The following ESR2 variants were observed in gnomAD, a reference collection of about 807,000 sequenced individuals.
ESR2 encodes estrogen receptor beta.
ESR2 carries 36 observed loss-of-function variants against 49.6 expected under a neutral mutation model. The observed-to-expected ratio is 0.73, with a 90% CI of 0.56 to 0.96. The LOEUF (loss-of-function observed/expected upper bound fraction) is 0.96, where lower values mean the gene tolerates loss of function less well. Among genes scored for constraint, ESR2 ranks in the 40% least tolerant of loss-of-function variants. The pLI is 0.00. For synonymous variants in ESR2, 320 were observed against 266.1 expected (o/e 1.20, Z -1.97); for missense variants, 714 against 693.0 (o/e 1.03, Z -0.34).
chr14:64,272,379 C>A (rs1233564246), intron 3 of ESR2, among the ~76,000 whole-genome samples: 1 of 152,176 alleles, frequency 6.6e-6, no homozygotes, highest in Non-Finnish European at 1.5e-5. Context: ...CTTTGCCATG[C>A]AAGCAGTTTT....
intron 7 of ESR2, among the ~76,000 whole-genome samples, chr14:64,245,908 T>C (rs1256056): frequency 0.65 from 99,318 of 152,174 alleles, 34,034 homozygotes; most frequent in African/African-American, 0.88. Flanking sequence ...TTTGATGATC[T>C]TCCATTGCCA....
At position 64,249,588 on chromosome 14, in the gene ESR2, T is replaced by C; in HGVS notation, c.1183A>G (p.Lys395Glu). 1 of 1,614,078 alleles carries C rather than the reference T, an allele frequency of 6.2e-7. No individual in the cohort carries two copies. Among genetic ancestry groups the C allele is most frequent in the East Asian group, 2.2e-5 (1 of 44,864 alleles). ...SRFRELKLQH[K>E]EYLCVKAMIL... The stretch of plus-strand genomic sequence containing the variant: ...ATGGCCTTGACACAGAGATATTCTT[T>C]GTGTTGGAGTTTTAACTCTCGAAAC... The change falls in exon 7 of 9, where the codon AAA becomes GAA. Residue 395 changes from lysine (K) to glutamate (E), a missense_variant. Lys to Glu is a moderately conservative substitution (Grantham distance 56). Transcript: ENST00000341099.
rs2077100838 is a variant in ESR2 at position 64,306,492 on chromosome 14, T to C, written c.-90-23417A>G. On this transcript the variant is annotated intron_variant, in intron 1 of 8. Transcript: ENST00000358599. ...CCCTATACCTAGTTTGCTGAGTTTTTATTAGGAACGGATGTTAGATTTTGT... is the reference window on the plus strand; with the variant it reads ...CCCTATACCTAGTTTGCTGAGTTTTCATTAGGAACGGATGTTAGATTTTGT... Among the ~76,000 whole-genome samples the C allele has an allele frequency of 2.0e-5, 3 of 152,350 alleles. No homozygotes were observed. In the South Asian group the frequency reaches 6.2e-4, roughly 32 times the overall value.
chr14:64,337,911 T>C (rs557473784), exon 1 of ESR2: 53 of 152,436 alleles, frequency 3.5e-4, no homozygotes, highest in African/African-American at 1.3e-3. Context: ...CAGAACCATA[T>C]TGGGATGACT....
chr14:64,248,128 G>GA (rs777442780), intron 7 of ESR2, among the ~76,000 whole-genome samples: 1 of 151,934 alleles, frequency 6.6e-6, no homozygotes, highest in Non-Finnish European at 1.5e-5. Flanking sequence ...CAGGAGGTCG[G>GA]AACTGCAGTA....
chr14:64,284,850 CT>C (rs780694583), intron 1 of ESR2, among the ~76,000 whole-genome samples: 406 of 139,582 alleles, frequency 2.9e-3, no homozygotes, highest in African/African-American at 5.0e-3. Context: ...TATCGCATTA[CT>C]TTTTTTTTTT....
In ESR2 at chr14:64,228,548, A is replaced by C. The variant is rs1367728752; in HGVS notation, c.*4589T>G. On this transcript the variant is annotated 3_prime_UTR_variant, in exon 9 of 9. Coordinates refer to ENST00000341099, the MANE Select transcript of ESR2 (RefSeq NM_001437.3). ...TAATGATACAAAGCATTCGTCTGAG[A>C]AAATGGCAAATTATAGCCAACCAAC... Among the ~76,000 whole-genome samples the C allele has an allele frequency of 6.6e-6, 1 of 152,230 alleles. No homozygotes were observed. The highest frequency in any genetic ancestry group is 2.1e-4 in the South Asian group (1 of 4,832).
At chr14:64,259,640 G>C (rs1567752184) in intron 5 of ESR2, among the ~76,000 whole-genome samples, 2 of 152,186 alleles carry the variant, frequency 1.3e-5, no homozygotes, top group African/African-American at 4.8e-5. Context: ...TTGGAGGATG[G>C]AAAACGCAGG....
Position 64,232,953 on chromosome 14 carries a change from CTA to C in ESR2, c.*182_*183del, listed in dbSNP as rs2098728673. ...ATGTGCCCTCTGCTAACAAGGGAAA[CTA>C]TGGCTTCCTCACACCGACTCCTGAG... On this transcript the variant is annotated 3_prime_UTR_variant, in exon 9 of 9. Coordinates refer to ENST00000341099, the MANE Select transcript of ESR2 (RefSeq NM_001437.3). The C allele has an allele frequency of 1.4e-5, 18 of 1,303,868 alleles. No homozygotes were observed. The South Asian group carries it at 1.6e-4, about 12-fold the overall frequency. 80.8% of individuals were successfully genotyped at this position (1,303,868 alleles called of 1,614,324 possible).
At chr14:64,309,632 G>A (rs893572118) in intron 1 of ESR2, among the ~76,000 whole-genome samples, 3 of 129,032 alleles carry the variant, frequency 2.3e-5, no homozygotes, top group African/African-American at 9.8e-5. Context: ...AGAATCTTGC[G>A]TCAAGTGAAC....
chr14:64,274,898 T>C lies in ESR2; in HGVS notation c.535+5083A>G, dbSNP rs1037995591. On this transcript the variant is annotated intron_variant, in intron 3 of 8. Coordinates refer to ENST00000341099, the MANE Select transcript of ESR2 (RefSeq NM_001437.3). ...GGAGTATATGGTTTAATTTCCATGT[T>C]TGTATAGTTTCCAAAATTCTTTATT... Among the ~76,000 whole-genome samples, 11 of 152,320 alleles carry C rather than the reference T, an allele frequency of 7.2e-5. No homozygotes were observed. In the East Asian group the frequency reaches 2.1e-3, roughly 29 times the overall value.
At position 64,230,522 on chromosome 14, in the gene ESR2, C is replaced by T. The variant is rs1250762272; in HGVS notation, c.*2615G>A. Among the ~76,000 whole-genome samples, 1 of 152,060 alleles carries T rather than the reference C, an allele frequency of 6.6e-6. No individual in the cohort carries two copies. ...AAGACTCGCACTGTACAGCTCCTGCCGATTTTGCACTATTTTTAATGCAGT... is the reference window on the plus strand; with the variant it reads ...AAGACTCGCACTGTACAGCTCCTGCTGATTTTGCACTATTTTTAATGCAGT... On this transcript the variant is annotated 3_prime_UTR_variant, in exon 9 of 9. Coordinates refer to ENST00000341099, the MANE Select transcript of ESR2 (RefSeq NM_001437.3).
intron 1 of ESR2, among the ~76,000 whole-genome samples, chr14:64,315,243 CAAAAAAAAAAA>C (rs201805001): frequency 1.5e-4 from 7 of 46,800 alleles, no homozygotes; most frequent in African/African-American, 6.4e-4. Flanking sequence ...GAGTCTGTCT[CAAAAAAAAAAA>C]AAAAAAAAAA....
intron 3 of ESR2, among the ~76,000 whole-genome samples, chr14:64,276,352 A>G (rs1328069347): frequency 2.6e-5 from 4 of 152,258 alleles, no homozygotes; most frequent in African/African-American, 9.6e-5. Flanking sequence ...CAAATGGCAG[A>G]TAGATTTATG....
At chr14:64,309,506 G>T (rs1203986726) in intron 1 of ESR2, among the ~76,000 whole-genome samples, 4 of 151,412 alleles carry the variant, frequency 2.6e-5, no homozygotes, top group Non-Finnish European at 4.4e-5. Context: ...AGCTACTCTG[G>T]AGGCTGAGGC....
intron 1 of ESR2, among the ~76,000 whole-genome samples, chr14:64,309,744 T>C (rs1194778437): frequency 6.6e-6 from 1 of 151,346 alleles, no homozygotes; most frequent in Non-Finnish European, 1.5e-5. Flanking sequence ...CCGAGGTGGG[T>C]GGATGGCTTG....
chr14:64,290,659 T>G lies in ESR2; in HGVS notation c.-91+3374A>C, dbSNP rs561885145. Among the ~76,000 whole-genome samples the G allele has an allele frequency of 7.2e-5, 11 of 152,264 alleles. No homozygotes were observed. The South Asian group carries it at 2.3e-3, about 32-fold the overall frequency. On this transcript the variant is annotated intron_variant, in intron 1 of 8. Transcript: ENST00000341099. Reference sequence around the variant, plus strand: ...CTCAAGTGATCCAGCCACCTAGGCCTCCCAAAGTGCTGAGATTACAGGCGT... The same window carrying G: ...CTCAAGTGATCCAGCCACCTAGGCCGCCCAAAGTGCTGAGATTACAGGCGT...
chr14:64,260,500 A>G lies in ESR2; in HGVS notation c.901T>C (p.Leu301=), dbSNP rs747372616. ...ATGTGTACCAACTCCTTGTCGGCCA[A>G]CTTGGTCAGGGACATCATCATGGAG... ...EASMMMSLTK[L]ADKELVHMIS... Residue 301 remains leucine (L), a synonymous_variant, in exon 5 of 9, where the codon TTG becomes CTG. Coordinates refer to ENST00000341099, the MANE Select transcript of ESR2 (RefSeq NM_001437.3). 18 of 1,536,090 alleles carry G rather than the reference A, an allele frequency of 1.2e-5. No individual in the cohort carries two copies. Among genetic ancestry groups the G allele is most frequent in the East Asian group, 2.3e-5 (1 of 44,014 alleles).
chr14:64,277,063 A>G (rs138776858), intron 3 of ESR2, among the ~76,000 whole-genome samples: 1 of 152,330 alleles, frequency 6.6e-6, no homozygotes, highest in Non-Finnish European at 1.5e-5. Context: ...TCAAAAAATA[A>G]GCCATGCTGT....
Sources: gnomAD v4.1 joint callset for allele counts (sites outside exome capture counted in the v4.1 genomes callset) on GRCh38, gnomAD v4.1.1 for gene constraint, MANE v1.5 for transcripts, NCBI Gene and HGNC (gene_info 2026-07-23, HGNC 2026-07-21) for gene names.